The following RELN variants were observed in gnomAD, a reference collection of about 807,000 sequenced individuals.
RELN encodes the protein reelin.
A neutral mutation model predicts 427.6 loss-of-function variants in RELN; 108 were observed. The ratio of observed to expected loss-of-function variants is 0.25; its 90% CI spans 0.22 to 0.30. The LOEUF is 0.30. Among genes scored for constraint, RELN ranks in the 10% least tolerant of loss-of-function variants. RELN has a pLI of 1.00. For synonymous variants in RELN, 1,524 were observed against 1,513.4 expected (o/e 1.01, Z -0.16); for missense variants, 3,715 against 4,302.8 (o/e 0.86, Z 3.82).
At chr7:103,544,945 G>C (rs1249109881) in intron 42 of RELN, among the ~76,000 whole-genome samples, 179 bp downstream of exon 42, 1 of 152,146 alleles carries the variant, frequency 6.6e-6, no homozygotes, top group African/African-American at 2.4e-5. Context: ...TTCACTCACT[G>C]ACCATTGTTT....
rs912961924 is a variant in RELN at position 103,652,540 on chromosome 7, G to C, written c.1763+11C>G. 1.9e-6 allele frequency: 3 copies of C among 1,608,716 alleles called. No homozygotes were observed. In the African/African-American group the frequency reaches 4.0e-5, roughly 22 times the overall value. ...TTTAGTTTTGCACACTTACAAAATA[G>C]GGCTTCCTACCTGTTACCAGGCTGA... On this transcript the variant is annotated intron_variant, in intron 14 of 64. Coordinates refer to ENST00000428762, the MANE Select transcript of RELN (RefSeq NM_005045.4).
In RELN at chr7:103,551,304, A is replaced by T. The variant is rs371292456; in HGVS notation, c.6073-8T>A. ...CGAACAGCCAACGTTGATCTTGGGG[A>T]TGAAGAAAAAAATGATACAAATTAC... On this transcript the variant is annotated splice_region_variant and splice_polypyrimidine_tract_variant and intron_variant, in intron 40 of 64. Transcript: ENST00000428762. 8.2e-5 allele frequency: 131 copies of T among 1,602,822 alleles called. No individual in the cohort carries two copies. The highest frequency in any genetic ancestry group is 1.7e-4 in the Admixed American group (10 of 59,654).
chr7:103,941,873 G>A (rs1174761263), intron 1 of RELN, among the ~76,000 whole-genome samples: 1 of 151,926 alleles, frequency 6.6e-6, no homozygotes. Flanking sequence ...CAGAGAGAGA[G>A]AACTTGCAAG....
rs772800248 is a variant in RELN, at chr7:103,572,280, G to C, written c.4512-20C>G. 1 of 1,360,080 alleles carries C rather than the reference G, an allele frequency of 7.4e-7. No individual in the cohort carries two copies. The highest frequency in any genetic ancestry group is 2.3e-5 in the East Asian group (1 of 43,610). 84.3% of individuals were successfully genotyped at this position (1,360,080 alleles called of 1,614,324 possible). ...ACAAGTCTGGGGAATAAAAACTTTA[G>C]TTTACTTACAAACAAGAGTTCAGAA... On this transcript the variant is annotated intron_variant, in intron 30 of 64. Transcript: ENST00000428762.
chr7:103,976,507 G>A lies in RELN; in HGVS notation c.226+12624C>T, dbSNP rs528686231. Among the ~76,000 whole-genome samples, 44 of 152,304 alleles carry A rather than the reference G, an allele frequency of 2.9e-4. 1 individual carries two copies. In the South Asian group the frequency reaches 6.6e-3, roughly 23 times the overall value. On this transcript the variant is annotated intron_variant, in intron 1 of 64. Coordinates refer to ENST00000428762, the MANE Select transcript of RELN (RefSeq NM_005045.4). ...TGAAATGCAAGGCCAGCAGGACTTC[G>A]GAATGGAACTGATGTGGAGCATTAG...
intron 38 of RELN, among the ~76,000 whole-genome samples, chr7:103,555,959 A>G (rs1173878339): frequency 6.6e-6 from 1 of 152,214 alleles, no homozygotes. Context: ...TCTGCTGCTT[A>G]ATGTGGCATC....
At chr7:103,536,615 T>G (rs1380691036) in intron 45 of RELN, among the ~76,000 whole-genome samples, 1 of 152,222 alleles carries the variant, frequency 6.6e-6, no homozygotes, top group African/African-American at 2.4e-5. Flanking sequence ...TCAGTCTTCA[T>G]TGTGCTTGCC....
At chr7:103,981,441 T>C (rs1269229395) in intron 1 of RELN, among the ~76,000 whole-genome samples, 1 of 152,178 alleles carries the variant, frequency 6.6e-6, no homozygotes, top group Admixed American at 6.5e-5. Context: ...TGTCAAAAAT[T>C]TCCTAGGAAA....
rs1303212382 is a variant in RELN at position 103,510,889 on chromosome 7, C to A, written c.8236G>T (p.Asp2746Tyr). 1 of 1,613,712 alleles carries A rather than the reference C, an allele frequency of 6.2e-7. No individual in the cohort carries two copies. The highest frequency in any genetic ancestry group is 1.1e-5 in the South Asian group (1 of 91,050). Reference sequence around the variant, plus strand: ...ATCCAGCCTTCAGTGGGAGTCAGGTCATGGGTCACTGCATACACCTCCCGT... The same window carrying A: ...ATCCAGCCTTCAGTGGGAGTCAGGTAATGGGTCACTGCATACACCTCCCGT... ...DGREVYAVTH[D>Y]LTPTEGWIMQ... is the part of the protein sequence containing the mutation. Residue 2746 changes from aspartate to tyrosine, a missense_variant, in exon 51 of 65, where the codon GAC (aspartate) becomes TAC (tyrosine). This residue lies in a region of RELN where 1,310 missense variants were observed against 1,643.0 expected (regional missense o/e 0.80). Coordinates refer to ENST00000428762, the MANE Select transcript of RELN (RefSeq NM_005045.4).
At chr7:103,671,305 A>T (rs2115625316) in intron 11 of RELN, among the ~76,000 whole-genome samples, 1 of 152,246 alleles carries the variant, frequency 6.6e-6, no homozygotes, top group South Asian at 2.1e-4. Context: ...CATTTCAAAG[A>T]TTCTTCTCTT....
chr7:103,594,394 G>A lies in RELN; in HGVS notation c.3638C>T (p.Ala1213Val), dbSNP rs750474453. 7.4e-6 allele frequency: 12 copies of A among 1,613,886 alleles called. No individual in the cohort carries two copies. Among genetic ancestry groups the A allele is most frequent in the Non-Finnish European group, 1.0e-5 (12 of 1,179,910 alleles). Reference sequence around the variant, plus strand: ...GGACAGAATGATGATGTCATCGACTGCCCACTGGTCATAGTCCTCCCCTGA... The same window carrying A: ...GGACAGAATGATGATGTCATCGACTACCCACTGGTCATAGTCCTCCCCTGA... ...VFSGEDYDQW[A>V]VDDIIILSEK... Residue 1213 changes from alanine (A) to valine (V), a missense_variant, in exon 26 of 65, where the codon GCA (alanine) becomes GTA (valine). This residue lies in a region of RELN where 2,208 missense variants were observed against 2,361.7 expected (regional missense o/e 0.93). Coordinates refer to ENST00000428762, the MANE Select transcript of RELN (RefSeq NM_005045.4).
chr7:103,489,780 G>A lies in RELN; in HGVS notation c.9725C>T (p.Thr3242Met), dbSNP rs763717800. Residue 3242 changes from threonine (T) to methionine (M), a missense_variant, in exon 60 of 65, where the codon ACG becomes ATG. Thr to Met is a moderately conservative substitution (Grantham distance 81). Coordinates refer to ENST00000428762, the MANE Select transcript of RELN (RefSeq NM_005045.4). ...PKLCSGHGYC[T>M]TGAICICDES... ...GTCGCAGATGCAGATGGCACCGGTC[G>A]TGCAGTATCCGTGCCCGCTGCAGAG... 3.5e-5 allele frequency: 57 copies of A among 1,614,028 alleles called. No individual in the cohort carries two copies. Among genetic ancestry groups the A allele is most frequent in the Admixed American group, 1.7e-4 (10 of 59,998 alleles).
At chr7:103,537,500 C>G (rs362710) in intron 45 of RELN, among the ~76,000 whole-genome samples, 1 of 151,974 alleles carries the variant, frequency 6.6e-6, no homozygotes, top group Admixed American at 6.6e-5. Flanking sequence ...AGCCACTTTC[C>G]TCTTTCATAT....
intron 1 of RELN, among the ~76,000 whole-genome samples, chr7:103,986,069 G>GA (rs911292909): frequency 1.5e-4 from 23 of 149,846 alleles, no homozygotes; most frequent in Admixed American, 6.0e-4. Context: ...GAAATTCTAG[G>GA]AAAAAAAAAA....
At chr7:103,761,156 C>T (rs1033736645) in intron 4 of RELN, among the ~76,000 whole-genome samples, 23 of 152,282 alleles carry the variant, frequency 1.5e-4, no homozygotes, top group Admixed American at 1.5e-3. Flanking sequence ...AACAATTTAT[C>T]ATCTTTCATA....
intron 2 of RELN, among the ~76,000 whole-genome samples, chr7:103,881,802 G>A (rs759178416): frequency 4.6e-5 from 7 of 152,010 alleles, no homozygotes; most frequent in Non-Finnish European, 8.8e-5. Flanking sequence ...AAAACATCAC[G>A]AATGAATAAA....
chr7:103,900,325 T>C (rs1795056190), intron 2 of RELN, among the ~76,000 whole-genome samples: 1 of 152,110 alleles, frequency 6.6e-6, no homozygotes, highest in Admixed American at 6.6e-5. Context: ...TAACACCCCA[T>C]GCTCATGTAT....
intron 4 of RELN, among the ~76,000 whole-genome samples, chr7:103,769,957 T>A (rs1791522710): frequency 6.6e-6 from 1 of 152,152 alleles, no homozygotes; most frequent in Non-Finnish European, 1.5e-5. Context: ...CATGGTAGAT[T>A]TATTGAGATA....
intron 3 of RELN, among the ~76,000 whole-genome samples, chr7:103,800,352 A>G (rs530738275): frequency 2.0e-5 from 3 of 152,334 alleles, no homozygotes; most frequent in South Asian, 2.1e-4. Flanking sequence ...ACAGACAAAC[A>G]GAGAGCCAAA....
Sources: allele counts gnomAD v4.1 joint callset (sites outside exome capture counted in the v4.1 genomes callset), GRCh38; gene constraint gnomAD v4.1.1; regional missense constraint gnomAD v4.1.1; transcripts MANE v1.5; gene names NCBI Gene and HGNC (gene_info 2026-07-23, HGNC 2026-07-21).